Variants in NKD2 observed in about 807,000 individuals in gnomAD.
The protein encoded by NKD2 is protein naked cuticle homolog 2.
NKD2 carries 43 observed loss-of-function variants against 34.8 expected under a neutral mutation model. The observed-to-expected ratio is 1.24, with a 90% CI of 0.97 to 1.60. NKD2 has a LOEUF of 1.60. NKD2 is among the 40% of genes most tolerant of loss of function. The pLI is 0.00. For synonymous variants in NKD2, 278 were observed against 265.1 expected (o/e 1.05, Z -0.47); for missense variants, 675 against 627.1 (o/e 1.08, Z -0.82).
At chr5:1,029,846 A>G (rs555478071) in intron 3 of NKD2, among the ~76,000 whole-genome samples, 125 of 152,298 alleles carry the variant, frequency 8.2e-4, no homozygotes, top group African/African-American at 2.8e-3. Flanking sequence ...GAGTGACCTC[A>G]GTTAAGGCTC....
intron 8 of NKD2, 42 bp downstream of exon 8, chr5:1,035,515 G>C: frequency 6.8e-7 from 1 of 1,473,368 alleles, no homozygotes; most frequent in African/African-American, 1.4e-5. Context: ...CCTTAGGCGG[G>C]GGCACCCTGG....
Position 1,009,652 on chromosome 5 carries a change from C to G in NKD2, c.141+92C>G, listed in dbSNP as rs979181467. ...GCTGTTCCTGGTGCCCGCCCGCGGA[C>G]AGGCGAGACGTGGGCCGCCATGGCC... On this transcript the variant is annotated intron_variant, in intron 3 of 9. Coordinates refer to ENST00000296849, the MANE Select transcript of NKD2 (RefSeq NM_033120.4). This position sits in a 1 kb window ranked among gnomAD's most constrained non-coding sequence, Gnocchi z 6.9. 1 of 1,104,454 alleles carries G rather than the reference C, an allele frequency of 9.1e-7. No individual in the cohort carries two copies. The highest frequency in any genetic ancestry group is 1.2e-6 in the Non-Finnish European group (1 of 833,612). 68.4% of individuals were successfully genotyped at this position (1,104,454 alleles called of 1,614,324 possible). A position where few individuals can be genotyped will look rare whatever the true frequency, so the allele number is the denominator to read the frequency against.
chr5:1,012,313 G>A (rs1391601030), intron 3 of NKD2, among the ~76,000 whole-genome samples: 1 of 152,234 alleles, frequency 6.6e-6, no homozygotes, highest in African/African-American at 2.4e-5. Context: ...GCGAACACTC[G>A]TGACAGACCA....
chr5:1,034,413 G>C (rs533827465), intron 6 of NKD2, 83 bp downstream of exon 6: 4 of 1,128,574 alleles, frequency 3.5e-6, no homozygotes, highest in Middle Eastern at 1.9e-4. Flanking sequence ...GATACCTCAG[G>C]GGGCAGGAGG....
rs1734142081 is a variant in NKD2 at position 1,038,523 on chromosome 5, C to T, written c.*150C>T. The T allele has an allele frequency of 6.8e-7, 1 of 1,470,104 alleles. No individual in the cohort carries two copies. The highest frequency in any genetic ancestry group is 9.2e-7 in the Non-Finnish European group (1 of 1,089,276). The allele number at this position is 1,470,104 out of a possible 1,614,324, so 91.1% of individuals were successfully genotyped here. A position where few individuals can be genotyped will look rare whatever the true frequency, so the allele number is the denominator to read the frequency against. ...AACAGCAACTGACTGCAGGTGCTGGCATGATGGAGGTGGTGCACCTTGGAC... is the reference window on the plus strand; with the variant it reads ...AACAGCAACTGACTGCAGGTGCTGGTATGATGGAGGTGGTGCACCTTGGAC... On this transcript the variant is annotated 3_prime_UTR_variant, in exon 10 of 10. Transcript: ENST00000296849. This position sits in a 1 kb window ranked among gnomAD's most constrained non-coding sequence, Gnocchi z 4.5.
chr5:1,008,832 G>T lies in NKD2; in HGVS notation c.-226G>T, dbSNP rs1755626862. The T allele has an allele frequency of 7.0e-6, 2 of 287,762 alleles. No individual in the cohort carries two copies. Among genetic ancestry groups the T allele is most frequent in the African/African-American group, 4.5e-5 (2 of 44,682 alleles). The allele number at this position is 287,762 out of a possible 1,614,324, so 17.8% of individuals were successfully genotyped here. A position where few individuals can be genotyped will look rare whatever the true frequency, so the allele number is the denominator to read the frequency against. ...GAGCCGGGCCGCCGTCGCTGCCGCC[G>T]CTGTCCCCGCGCCCTGCGCCCGGTG... On this transcript the variant is annotated 5_prime_UTR_variant, in exon 1 of 10. Coordinates refer to ENST00000296849, the MANE Select transcript of NKD2 (RefSeq NM_033120.4).
At chr5:1,032,052 G>T in intron 3 of NKD2, 100 bp from the exon 4 acceptor site, 1 of 908,450 alleles carries the variant, frequency 1.1e-6, no homozygotes, top group South Asian at 1.4e-5. Flanking sequence ...GAGGCCTGAG[G>T]CGAGTGTCAG....
chr5:1,038,511 T>G lies in NKD2; in HGVS notation c.*138T>G. 6.7e-7 allele frequency: 1 copy of G among 1,493,844 alleles called. No individual in the cohort carries two copies. The highest frequency in any genetic ancestry group is 9.0e-7 in the Non-Finnish European group (1 of 1,111,142). The allele number at this position is 1,493,844 out of a possible 1,614,324, so 92.5% of individuals were successfully genotyped here. On this transcript the variant is annotated 3_prime_UTR_variant, in exon 10 of 10. Coordinates refer to ENST00000296849, the MANE Select transcript of NKD2 (RefSeq NM_033120.4). This position sits in a 1 kb window ranked among gnomAD's most constrained non-coding sequence, Gnocchi z 4.5. ...CCTCCGACAGCAAACAGCAACTGAC[T>G]GCAGGTGCTGGCATGATGGAGGTGG...
rs559075551 is a variant in NKD2, at chr5:1,036,196, T to C, written c.660-61T>C. 1.1e-4 allele frequency: 167 copies of C among 1,454,944 alleles called. 5 individuals carry two copies. The South Asian group carries it at 2.0e-3, about 18-fold the overall frequency. The allele number at this position is 1,454,944 out of a possible 1,614,324, so 90.1% of individuals were successfully genotyped here. A position where few individuals can be genotyped will look rare whatever the true frequency, so the allele number is the denominator to read the frequency against. ...CCTGCCGCCTGCTGTAGGCACCCCGTCATCAGGGGTGCGCCACCCAGTCTG... is the reference window on the plus strand; with the variant it reads ...CCTGCCGCCTGCTGTAGGCACCCCGCCATCAGGGGTGCGCCACCCAGTCTG... On this transcript the variant is annotated intron_variant, in intron 8 of 9. Coordinates refer to ENST00000296849, the MANE Select transcript of NKD2 (RefSeq NM_033120.4).
At position 1,037,916 on chromosome 5, in the gene NKD2, A is replaced by C. The variant is rs1480398488; in HGVS notation, c.899A>C (p.Gln300Pro). The C allele has an allele frequency of 6.2e-7, 1 of 1,607,264 alleles. No individual in the cohort carries two copies. Among genetic ancestry groups the C allele is most frequent in the African/African-American group, 1.3e-5 (1 of 75,034 alleles). Residue 300 changes from glutamine (Q) to proline (P), a missense_variant, in exon 10 of 10, where the codon CAG (glutamine) becomes CCG (proline). By Grantham distance (76) the Gln-to-Pro change is moderately conservative. Transcript: ENST00000296849. Reference protein sequence around the residue: ...DTHAVHHRRSQVLVEHVVPAS... With the variant: ...DTHAVHHRRSPVLVEHVVPAS... ...CATGCCGTACACCACCGCAGGTCAC[A>C]GGTGCTGGTGGAACACGTCGTGCCA... is the stretch of plus-strand genomic sequence containing the variant.
At chr5:1,032,292 TAAAAC>T (rs1024485193) in intron 4 of NKD2, 80 bp downstream of exon 4, 57 of 1,116,004 alleles carry the variant, frequency 5.1e-5, no homozygotes, top group Admixed American at 4.5e-4. Context: ...AAACCACCCT[TAAAAC>T]AACCCCGTGT....
chr5:1,033,369 T>C lies in NKD2; in HGVS notation c.203-3T>C. 6.3e-7 allele frequency: 1 copy of C among 1,596,878 alleles called. No individual in the cohort carries two copies. Among genetic ancestry groups the C allele is most frequent in the South Asian group, 1.1e-5 (1 of 88,088 alleles). On this transcript the variant is annotated splice_region_variant and splice_polypyrimidine_tract_variant and intron_variant, in intron 4 of 9. Transcript: ENST00000296849. Reference sequence around the variant, plus strand: ...GCCCCTTCGCCTCCTCTTGTCCCCCTAGTGGCACTCCCCGCTGAGAAAGCT... The same window carrying C: ...GCCCCTTCGCCTCCTCTTGTCCCCCCAGTGGCACTCCCCGCTGAGAAAGCT...
At chr5:1,029,235 C>T (rs575144666) in intron 3 of NKD2, among the ~76,000 whole-genome samples, 24 of 152,236 alleles carry the variant, frequency 1.6e-4, no homozygotes, top group African/African-American at 3.6e-4. Flanking sequence ...TGCGTTCGAG[C>T]GCTGAGAATT....
chr5:1,033,600 G>A (rs574295996), intron 5 of NKD2, 101 bp downstream of exon 5: 46 of 1,341,994 alleles, frequency 3.4e-5, no homozygotes, highest in South Asian at 1.0e-4. Context: ...TGGACACGGC[G>A]TAGTTCACTC....
chr5:1,038,141 C>G lies in NKD2; in HGVS notation c.1124C>G (p.Pro375Arg), dbSNP rs1477998961. The change falls in exon 10 of 10, where the codon CCC (proline) becomes CGC (arginine). Residue 375 changes from proline (P) to arginine (R), a missense_variant. By Grantham distance (103) the Pro-to-Arg change is moderately radical (BLOSUM62 -2). Coordinates refer to ENST00000296849, the MANE Select transcript of NKD2 (RefSeq NM_033120.4). The surrounding 1 kb of genome is among the most constrained non-coding windows in gnomAD (Gnocchi z 4.5). ...CAGGACGGCCACCACCTCCCGCAGC[C>G]CCCACCGCCACCCTACGGCCACAAG... Reference protein sequence around the residue: ...APQDGHHLPQPPPPPYGHKRY... With the variant: ...APQDGHHLPQRPPPPYGHKRY... 6.3e-7 allele frequency: 1 copy of G among 1,587,946 alleles called. No homozygotes were observed. Among genetic ancestry groups the G allele is most frequent in the Non-Finnish European group, 8.6e-7 (1 of 1,169,392 alleles).
rs551438799 is a variant in NKD2, at chr5:1,034,271, C to T, written c.367C>T (p.Arg123Cys). 2.4e-5 allele frequency: 39 copies of T among 1,611,658 alleles called. No individual in the cohort carries two copies. In the East Asian group the frequency reaches 6.0e-4, roughly 25 times the overall value. The change falls in exon 6 of 10, where the codon CGC (arginine) becomes TGC (cysteine). Residue 123 changes from arginine (R) to cysteine (C), a missense_variant. Coordinates refer to ENST00000296849, the MANE Select transcript of NKD2 (RefSeq NM_033120.4). ...QCDVSVEEDD[R>C]QEWTFTLYDF... ...CGATGTCTCGGTGGAGGAGGACGAC[C>T]GCCAGGAGTGGACGTTCACGCTCTA...
chr5:1,036,509 CCCACCCCA>C, intron 9 of NKD2, 125 bp downstream of exon 9: 1 of 606,316 alleles, frequency 1.6e-6, no homozygotes, highest in Non-Finnish European at 2.8e-6. Context: ...CCCAACCCCC[CCCACCCCA>C]CCCCACCCAG....
At position 1,021,311 on chromosome 5, in the gene NKD2, C is replaced by G. The variant is rs1198359980; in HGVS notation, c.142-10841C>G. 2.0e-5 allele frequency among the ~76,000 whole-genome samples: 3 copies of G among 147,284 alleles called. No homozygotes were observed. The South Asian group carries it at 6.8e-4, about 33-fold the overall frequency. On this transcript the variant is annotated intron_variant, in intron 3 of 9. Transcript: ENST00000296849. ...AGCCCGGCTCCCCTGCCCGGTCCCCCCGGCCCCCCACCTCCCAGCCCCTTT... is the reference window on the plus strand; with the variant it reads ...AGCCCGGCTCCCCTGCCCGGTCCCCGCGGCCCCCCACCTCCCAGCCCCTTT...
intron 3 of NKD2, among the ~76,000 whole-genome samples, chr5:1,016,654 G>A (rs556079511): frequency 2.0e-5 from 3 of 152,332 alleles, no homozygotes; most frequent in South Asian, 2.1e-4. Context: ...GAGGTTCTCC[G>A]TGAGGCACTC....
Sources: gnomAD v4.1 joint callset for allele counts (sites outside exome capture counted in the v4.1 genomes callset) on GRCh38, gnomAD v4.1.1 for gene constraint, Gnocchi (gnomAD v3.1) non-coding constraint, MANE v1.5 for transcripts, NCBI Gene and HGNC (gene_info 2026-07-23, HGNC 2026-07-21) for gene names.